Variants in SYN3 observed in about 807,000 individuals in gnomAD.
The protein encoded by SYN3 is synapsin III, also known as synapsin-3.
A neutral mutation model predicts 65.8 loss-of-function variants in SYN3; 35 were observed. That is an observed-to-expected ratio of 0.53 (90% CI 0.41 to 0.70). The LOEUF is 0.70. Among genes scored for constraint, SYN3 ranks in the 30% least tolerant of loss-of-function variants. The pLI is 0.00. For synonymous variants in SYN3, 270 were observed against 292.9 expected (o/e 0.92, Z 0.80); for missense variants, 680 against 749.0 (o/e 0.91, Z 1.08).
At chr22:32,975,413 A>G (rs2052156304) in intron 3 of SYN3, among the ~76,000 whole-genome samples, 1 of 150,462 alleles carries the variant, frequency 6.6e-6, no homozygotes, top group African/African-American at 2.4e-5. Flanking sequence ...CTGCTCCTTC[A>G]CAGCTGAGTT....
intron 4 of SYN3, among the ~76,000 whole-genome samples, chr22:32,892,527 C>T (rs748799041): frequency 7.2e-5 from 11 of 152,190 alleles, no homozygotes; most frequent in Non-Finnish European, 1.5e-4. Context: ...GTGAAGGAAA[C>T]GAGACTCTAA....
intron 6 of SYN3, among the ~76,000 whole-genome samples, chr22:32,647,462 T>C (rs934427922): frequency 2.0e-5 from 3 of 152,092 alleles, no homozygotes; most frequent in Non-Finnish European, 4.4e-5. Context: ...TTTTTTTTTT[T>C]TTGAGACAGG....
In SYN3 at chr22:32,527,860, G is replaced by A. The variant is rs138722397; in HGVS notation, c.1318+58C>T. The A allele has an allele frequency of 3.6e-4, 516 of 1,427,176 alleles. 3 individuals are homozygous for A. The African/African-American group carries it at 6.3e-3, about 17-fold the overall frequency. The allele number at this position is 1,427,176 out of a possible 1,614,324, so 88.4% of individuals were successfully genotyped here. A position where few individuals can be genotyped will look rare whatever the true frequency, so the allele number is the denominator to read the frequency against. ...TGTGGGAATCACATGTGGATCCCTC[G>A]GTGCATTTCAGCACCCTCACTGCAT... On this transcript the variant is annotated intron_variant, in intron 12 of 13. Transcript: ENST00000358763.
chr22:32,670,869 G>C (rs2060350916), intron 6 of SYN3, among the ~76,000 whole-genome samples: 1 of 152,236 alleles, frequency 6.6e-6, no homozygotes, highest in Non-Finnish European at 1.5e-5. Context: ...GTGGTGAGTA[G>C]GAGGGCATGG....
chr22:32,821,518 G>A (rs986289167), intron 6 of SYN3, among the ~76,000 whole-genome samples: 1 of 152,178 alleles, frequency 6.6e-6, no homozygotes, highest in Non-Finnish European at 1.5e-5. Flanking sequence ...TGAATGACCT[G>A]GTTAACAGAC....
At chr22:32,957,938 C>T (rs2051518193) in intron 3 of SYN3, among the ~76,000 whole-genome samples, 1 of 152,190 alleles carries the variant, frequency 6.6e-6, no homozygotes, top group African/African-American at 2.4e-5. Flanking sequence ...TAACCCAAAC[C>T]TAATCTCCAA....
At chr22:32,814,942 AAT>A (rs2047047890) in intron 6 of SYN3, among the ~76,000 whole-genome samples, 1 of 152,238 alleles carries the variant, frequency 6.6e-6, no homozygotes, top group Non-Finnish European at 1.5e-5. Flanking sequence ...ATATGTATAA[AAT>A]ATGACCATTT....
Position 33,058,328 on chromosome 22 carries a change from C to T in SYN3, c.-199G>A, listed in dbSNP as rs1358180362. 1.3e-5 allele frequency: 2 copies of T among 149,618 alleles called. No individual in the cohort carries two copies. Among genetic ancestry groups the T allele is most frequent in the African/African-American group, 5.0e-5 (2 of 40,042 alleles). The allele number at this position is 149,618 out of a possible 1,614,324, so 9.3% of individuals were successfully genotyped here. On this transcript the variant is annotated 5_prime_UTR_variant, in exon 1 of 14. Transcript: ENST00000358763. ...CCAGGAACTCGGCGCCCGGTGGTGC[C>T]TCGGCGCGGCGCCCGCCAGTCGATC...
intron 3 of SYN3, among the ~76,000 whole-genome samples, chr22:32,977,692 C>T (rs1185001546): frequency 9.5e-5 from 14 of 147,578 alleles, no homozygotes; most frequent in Admixed American, 9.0e-4. Flanking sequence ...TGCAGTGAGC[C>T]GAGATTGCGC....
At chr22:32,880,566 C>T (rs1471887290) in intron 4 of SYN3, among the ~76,000 whole-genome samples, 2 of 152,064 alleles carry the variant, frequency 1.3e-5, no homozygotes, top group Non-Finnish European at 2.9e-5. Context: ...CCCTCTCAGC[C>T]GTCTCAGGGA....
At chr22:32,961,593 C>A (rs1601793621) in intron 3 of SYN3, among the ~76,000 whole-genome samples, 1 of 152,310 alleles carries the variant, frequency 6.6e-6, no homozygotes, top group Middle Eastern at 3.4e-3. Context: ...TCGTAGCAAC[C>A]CCACAGAATG....
At chr22:32,878,342 C>T (rs1309050805) in intron 4 of SYN3, among the ~76,000 whole-genome samples, 2 of 151,840 alleles carry the variant, frequency 1.3e-5, no homozygotes, top group Non-Finnish European at 2.9e-5. Context: ...GCTAAGTCTT[C>T]CCTCCAGAAG....
At chr22:32,869,367 T>TCTCTCTCTCTCTCTCA (rs61464794) in intron 4 of SYN3, among the ~76,000 whole-genome samples, 2,729 of 142,192 alleles carry the variant, frequency 0.019, 56 homozygotes, top group South Asian at 0.026. Context: ...TCTCTCTCTC[T>TCTCTCTCTCTCTCTCA]CACAGGCTCT....
At chr22:32,525,862 C>T (rs1265778015) in intron 12 of SYN3, among the ~76,000 whole-genome samples, 2 of 152,186 alleles carry the variant, frequency 1.3e-5, no homozygotes, top group Non-Finnish European at 2.9e-5. Context: ...TGCTATCACA[C>T]AGCATCACGT....
intron 6 of SYN3, among the ~76,000 whole-genome samples, chr22:32,745,390 T>A (rs1343770319): frequency 6.6e-6 from 1 of 152,220 alleles, no homozygotes; most frequent in East Asian, 1.9e-4. Flanking sequence ...TCAAACCAGA[T>A]GTTCGGGGGT....
Position 32,628,475 on chromosome 22 carries a change from C to G in SYN3, c.712-31739G>C, listed in dbSNP as rs557351413. The stretch of plus-strand genomic sequence containing the variant: ...CTGGGGATTTCTCTACATTCCCAAG[C>G]TGGTGCTGACAAAGTGCAGCCCCAA... On this transcript the variant is annotated intron_variant, in intron 6 of 13. Transcript: ENST00000358763. Among the ~76,000 whole-genome samples the G allele has an allele frequency of 7.9e-5, 12 of 152,326 alleles. 1 individual carries two copies. Among genetic ancestry groups the G allele is most frequent in the African/African-American group, 2.9e-4 (12 of 41,582 alleles).
At chr22:32,695,283 G>A (rs2060720394) in intron 6 of SYN3, among the ~76,000 whole-genome samples, 3 of 151,984 alleles carry the variant, frequency 2.0e-5, no homozygotes, top group Admixed American at 2.0e-4. Context: ...ATTATCAACT[G>A]AATAAATCCC....
rs2046574693 is a variant in SYN3, at chr22:32,801,494, G to A, written c.711+63421C>T. On this transcript the variant is annotated intron_variant, in intron 6 of 13. Transcript: ENST00000358763. The surrounding 1 kb of genome is among the most constrained non-coding windows in gnomAD (Gnocchi z 4.7). Reference sequence around the variant, plus strand: ...GGCGCGCCCCAGCCCACCCACTCGCGTGCCCACGGCGGCATTATTCCCTAT... The same window carrying A: ...GGCGCGCCCCAGCCCACCCACTCGCATGCCCACGGCGGCATTATTCCCTAT... Among the ~76,000 whole-genome samples, 1 of 152,194 alleles carries A rather than the reference G, an allele frequency of 6.6e-6. No individual in the cohort carries two copies. Among genetic ancestry groups the A allele is most frequent in the Non-Finnish European group, 1.5e-5 (1 of 68,024 alleles).
At chr22:32,842,271 G>C (rs187749897) in intron 6 of SYN3, among the ~76,000 whole-genome samples, 67 of 152,288 alleles carry the variant, frequency 4.4e-4, no homozygotes, top group African/African-American at 1.6e-3. Flanking sequence ...TCTTTCAGGA[G>C]GGTTTTTTTG....
Sources: allele counts gnomAD v4.1 joint callset (sites outside exome capture counted in the v4.1 genomes callset), GRCh38; gene constraint gnomAD v4.1.1; non-coding constraint Gnocchi (gnomAD v3.1); transcripts MANE v1.5; gene names NCBI Gene and HGNC (gene_info 2026-07-23, HGNC 2026-07-21).